Variants in ABLIM1 observed in about 807,000 individuals in gnomAD.
ABLIM1 encodes actin binding LIM protein 1, also known as actin-binding LIM protein 1.
ABLIM1 carries 40 observed loss-of-function variants against 107.0 expected under a neutral mutation model. The ratio of observed to expected loss-of-function variants is 0.37; its 90% CI spans 0.29 to 0.49. The LOEUF (loss-of-function observed/expected upper bound fraction) is 0.49, where lower values mean the gene tolerates loss of function less well. Ranked by LOEUF, ABLIM1 falls within the 20% of genes least tolerant of loss-of-function variation. The pLI, the probability that ABLIM1 is intolerant of heterozygous loss-of-function variation, is 0.97. For missense variants in ABLIM1, 857 were observed against 1,008.5 expected, an observed-to-expected ratio of 0.85 and a Z score of 2.04; for synonymous variants, 357 against 357.3, an observed-to-expected ratio of 1.00 and a Z score of 0.01.
At chr10:114,632,335 T>C in intron 1 of ABLIM1, 14 of 985,254 alleles carry the variant, frequency 1.4e-5, no homozygotes, top group Non-Finnish European at 1.7e-5. Flanking sequence ...GTCTGATAAA[T>C]GATTGCCAGG....
At chr10:114,592,288 A>G (rs1413195) in intron 2 of ABLIM1, among the ~76,000 whole-genome samples, 106,158 of 151,980 alleles carry the variant, frequency 0.7, 37,565 homozygotes, top group Middle Eastern at 0.77. Context: ...ACACATATCC[A>G]AGTGAAGAGC....
At position 114,545,107 on chromosome 10, in the gene ABLIM1, C is replaced by G; in HGVS notation, c.801-9G>C. The G allele has an allele frequency of 1.2e-6, 2 of 1,614,026 alleles. No homozygotes were observed. Among genetic ancestry groups the G allele is most frequent in the Non-Finnish European group, 1.7e-6 (2 of 1,179,876 alleles). On this transcript the variant is annotated splice_polypyrimidine_tract_variant and intron_variant, in intron 5 of 22. Transcript: ENST00000533213. ...AGTACGGAGCACCATCCCTGCAAGA[C>G]AAAAACGTGTTCGGCTCCTGAGGAG...
upstream of ABLIM1, among the ~76,000 whole-genome samples, chr10:114,686,246 T>C (rs2080932040): frequency 1.3e-5 from 2 of 152,164 alleles, no homozygotes; most frequent in Admixed American, 6.6e-5. Context: ...TGGTGACTCA[T>C]GCCTGTAATC....
At chr10:114,446,058 C>T (rs559909105) in intron 15 of ABLIM1, among the ~76,000 whole-genome samples, 193 of 152,352 alleles carry the variant, frequency 1.3e-3, no homozygotes, top group Admixed American at 2.2e-3. Flanking sequence ...AGGCGTGAGC[C>T]ACCACGCCCA....
At chr10:114,775,399 C>G in the ABLIM1 span, among the ~76,000 whole-genome samples, 1 of 152,152 alleles carries the variant, frequency 6.6e-6, no homozygotes, top group Non-Finnish European at 1.5e-5. Flanking sequence ...TCAGGAGATG[C>G]AACTGGTTTA....
rs189565180 is a variant in ABLIM1 at position 114,552,876 on chromosome 10, C to T, written c.674-5100G>A. On this transcript the variant is annotated intron_variant, in intron 4 of 22. Coordinates refer to ENST00000533213, the MANE Select transcript of ABLIM1 (RefSeq NM_002313.7). Reference sequence around the variant, plus strand: ...GTACATGTGAGCCACTCAATAGACTCCCTTTTTCCTTGGTTAGGAGCAGAG... The same window carrying T: ...GTACATGTGAGCCACTCAATAGACTTCCTTTTTCCTTGGTTAGGAGCAGAG... Among the ~76,000 whole-genome samples, 285 of 152,284 alleles carry T rather than the reference C, an allele frequency of 1.9e-3. 2 individuals are homozygous for T. The highest frequency in any genetic ancestry group is 6.6e-3 in the African/African-American group (275 of 41,556).
At chr10:114,495,766 T>C (rs1157669399) in intron 6 of ABLIM1, among the ~76,000 whole-genome samples, 2 of 152,166 alleles carry the variant, frequency 1.3e-5, no homozygotes, top group African/African-American at 4.8e-5. Flanking sequence ...AGTATTATTA[T>C]CCTTATTTTA....
At chr10:114,452,853 A>G (rs2062107964) in intron 13 of ABLIM1, among the ~76,000 whole-genome samples, 1 of 152,256 alleles carries the variant, frequency 6.6e-6, no homozygotes, top group Non-Finnish European at 1.5e-5. Flanking sequence ...TTCACGGGCT[A>G]TGGAGATGGC....
chr10:114,780,869 G>C, the ABLIM1 span, among the ~76,000 whole-genome samples: 1 of 152,150 alleles, frequency 6.6e-6, no homozygotes, highest in East Asian at 1.9e-4. Flanking sequence ...AAAGATCATG[G>C]AGTTCAGGAA....
At chr10:114,767,389 C>T (rs1424226741) in intron 1 of ABLIM1, among the ~76,000 whole-genome samples, 1 of 152,168 alleles carries the variant, frequency 6.6e-6, no homozygotes. Context: ...TTTAATATTT[C>T]ACTCATACTA....
At chr10:114,671,058 CAGA>C (rs1458569097) in intron 1 of ABLIM1, among the ~76,000 whole-genome samples, 5 of 152,174 alleles carry the variant, frequency 3.3e-5, no homozygotes, top group Non-Finnish European at 1.5e-5. Flanking sequence ...CCTAACACCC[CAGA>C]AGGTTTCCTT....
intron 1 of ABLIM1, among the ~76,000 whole-genome samples, chr10:114,704,302 C>CTCTCTCTATATATATATATATATA (rs1380460034): frequency 1.2e-4 from 5 of 43,088 alleles, no homozygotes; most frequent in Admixed American, 2.3e-4. Flanking sequence ...CTCTCTCTCT[C>CTCTCTCTATATATATATATATATA]TATATATATA....
At chr10:114,613,422 T>C (rs2076941192) in intron 1 of ABLIM1, among the ~76,000 whole-genome samples, 1 of 152,182 alleles carries the variant, frequency 6.6e-6, no homozygotes, top group Non-Finnish European at 1.5e-5. Context: ...GAAGCATTTA[T>C]ACCATGGAAA....
At chr10:114,457,665 TAAAC>T (rs561010353) in intron 12 of ABLIM1, among the ~76,000 whole-genome samples, 1 of 152,236 alleles carries the variant, frequency 6.6e-6, no homozygotes. Context: ...GTTCCTTACT[TAAAC>T]AAAGTAATGT....
chr10:114,523,147 T>C (rs1453643628), intron 6 of ABLIM1, among the ~76,000 whole-genome samples: 3 of 151,998 alleles, frequency 2.0e-5, no homozygotes, highest in Non-Finnish European at 2.9e-5. Context: ...CAAGACTCCA[T>C]CTCAAAAAAC....
intron 15 of ABLIM1, among the ~76,000 whole-genome samples, chr10:114,446,101 T>G (rs572107684): frequency 6.6e-6 from 1 of 152,338 alleles, no homozygotes; most frequent in East Asian, 1.9e-4. Context: ...AAATGCAAAT[T>G]TATCTACATA....
chr10:114,789,544 GA>G, the ABLIM1 span, among the ~76,000 whole-genome samples: 1 of 152,244 alleles, frequency 6.6e-6, no homozygotes, highest in Admixed American at 6.5e-5. Context: ...ACTCCCACCA[GA>G]AGTGTATAAA....
chr10:114,714,199 T>G (rs1176621587), intron 1 of ABLIM1, among the ~76,000 whole-genome samples: 1 of 152,212 alleles, frequency 6.6e-6, no homozygotes, highest in Non-Finnish European at 1.5e-5. Flanking sequence ...GTTTTTTAAT[T>G]AACTTCATTT....
At position 114,433,178 on chromosome 10, in the gene ABLIM1, A is replaced by G. The variant is rs1168369653; in HGVS notation, c.*3082T>C. On this transcript the variant is annotated 3_prime_UTR_variant, in exon 23 of 23. Transcript: ENST00000533213. ...TACAATCCCCTTCCTAGGGTGAACAAGCTCCACCAGTTTGAGTGTGTTAAT... is the reference window on the plus strand; with the variant it reads ...TACAATCCCCTTCCTAGGGTGAACAGGCTCCACCAGTTTGAGTGTGTTAAT... The G allele has an allele frequency of 2.6e-5, 4 of 152,200 alleles. No homozygotes were observed. The highest frequency in any genetic ancestry group is 9.7e-5 in the African/African-American group (4 of 41,436). The allele number at this position is 152,200 out of a possible 1,614,324, so 9.4% of individuals were successfully genotyped here.
Sources: gnomAD v4.1 joint callset for allele counts (sites outside exome capture counted in the v4.1 genomes callset) on GRCh38, gnomAD v4.1.1 for gene constraint, MANE v1.5 for transcripts, NCBI Gene and HGNC (gene_info 2026-07-23, HGNC 2026-07-21) for gene names.